Variants in TAB2 observed in about 807,000 individuals in gnomAD.
TAB2 encodes the protein TGF-beta-activated kinase 1 and MAP3K7-binding protein 2.
A neutral mutation model predicts 65.0 loss-of-function variants in TAB2; 3 were observed. The observed-to-expected ratio is 0.05, with a 90% CI of 0.02 to 0.12. TAB2 has a LOEUF of 0.12. TAB2 is among the 10% of genes least tolerant of loss of function. The pLI is 1.00. For missense variants in TAB2, 623 were observed against 840.3 expected, an observed-to-expected ratio of 0.74 and a Z score of 3.20; for synonymous variants, 298 against 285.1, an observed-to-expected ratio of 1.05 and a Z score of -0.46.
chr6:149,281,839 G>T (rs1321235599), intron 1 of TAB2, among the ~76,000 whole-genome samples: 12 of 151,906 alleles, frequency 7.9e-5, no homozygotes, highest in African/African-American at 2.9e-4. Flanking sequence ...CCAACAATAT[G>T]TTTCCTACAA....
At chr6:149,388,494 A>G (rs1221214093) in intron 3 of TAB2, among the ~76,000 whole-genome samples, 1 of 152,248 alleles carries the variant, frequency 6.6e-6, no homozygotes, top group Admixed American at 6.5e-5. Context: ...TTATGCTCCC[A>G]TACTTACAAA....
At chr6:149,360,753 G>A (rs946723801) in intron 1 of TAB2, among the ~76,000 whole-genome samples, 1 of 152,118 alleles carries the variant, frequency 6.6e-6, no homozygotes, top group Non-Finnish European at 1.5e-5. Flanking sequence ...TCTGAGTTAA[G>A]CCAAGTCCCC....
At position 149,378,396 on chromosome 6, in the gene TAB2, A is replaced by G. The variant is rs1781480231; in HGVS notation, c.481A>G (p.Ser161Gly). The G allele has an allele frequency of 6.2e-7, 1 of 1,614,252 alleles. No individual in the cohort carries two copies. The highest frequency in any genetic ancestry group is 2.2e-5 in the East Asian group (1 of 44,882). ...SAPHLGFHLG[S>G]KGTSSLSQQT... Reference sequence around the variant, plus strand: ...ACCACATCTTGGATTTCACTTAGGCAGCAAAGGAACATCTAGCCTTTCTCA... The same window carrying G: ...ACCACATCTTGGATTTCACTTAGGCGGCAAAGGAACATCTAGCCTTTCTCA... The change falls in exon 3 of 7, where the codon AGC (serine) becomes GGC (glycine). Residue 161 changes from serine to glycine, a missense_variant. Physicochemically the swap from Ser to Gly is moderately conservative, Grantham distance 56. Around this residue, in one of 3 missense-constraint regions of TAB2, gnomAD observed 550 missense variants for 665.7 expected, o/e 0.83. Coordinates refer to ENST00000637181, the MANE Select transcript of TAB2 (RefSeq NM_001292034.3).
At chr6:149,272,430 G>C (rs572719015) in intron 1 of TAB2, among the ~76,000 whole-genome samples, 13 of 152,346 alleles carry the variant, frequency 8.5e-5, no homozygotes, top group African/African-American at 2.9e-4. Context: ...CTCTAGAAGA[G>C]AATCCACTTC....
intron 1 of TAB2, among the ~76,000 whole-genome samples, chr6:149,318,325 T>G (rs1041916698): frequency 7.0e-6 from 1 of 142,970 alleles, no homozygotes; most frequent in Non-Finnish European, 1.6e-5. Context: ...GAGCCCCGGG[T>G]GGGGGAGGGC....
At chr6:149,253,347 G>A (rs1403724108) in intron 1 of TAB2, among the ~76,000 whole-genome samples, 1 of 152,116 alleles carries the variant, frequency 6.6e-6, no homozygotes, top group South Asian at 2.1e-4. Flanking sequence ...TTGGCCAGGC[G>A]CTGTGGCTCA....
intron 1 of TAB2, among the ~76,000 whole-genome samples, chr6:149,257,189 C>T (rs1778054772): frequency 6.6e-6 from 1 of 152,156 alleles, no homozygotes; most frequent in African/African-American, 2.4e-5. Flanking sequence ...TCTTACAACA[C>T]CCAGTAAGCA....
At position 149,374,396 on chromosome 6, in the gene TAB2, A is replaced by AT. The variant is rs199944345; in HGVS notation, c.103-3613dup. Reference sequence around the variant, plus strand: ...CTCTACCTGGCTAATTAAAAACAAGATTTTTTTTTAGAGACAGGGTCTCAC... The same window carrying AT: ...CTCTACCTGGCTAATTAAAAACAAGATTTTTTTTTTAGAGACAGGGTCTCAC... On this transcript the variant is annotated intron_variant, in intron 2 of 6. Coordinates refer to ENST00000637181, the MANE Select transcript of TAB2 (RefSeq NM_001292034.3). Among the ~76,000 whole-genome samples, 793 of 151,248 alleles carry AT rather than the reference A, an allele frequency of 5.2e-3. 5 individuals are homozygous for AT. Among genetic ancestry groups the AT allele is most frequent in the African/African-American group, 0.018 (743 of 41,230 alleles).
intron 2 of TAB2, among the ~76,000 whole-genome samples, chr6:149,373,543 C>G (rs1224566354): frequency 6.6e-6 from 1 of 152,184 alleles, no homozygotes; most frequent in Non-Finnish European, 1.5e-5. Context: ...TTTCTCCTTG[C>G]TAATGAATGC....
chr6:149,259,244 A>G (rs1403308151), intron 1 of TAB2, among the ~76,000 whole-genome samples: 2 of 152,164 alleles, frequency 1.3e-5, no homozygotes, highest in Non-Finnish European at 2.9e-5. Flanking sequence ...AGAAAAATAT[A>G]TAACTAGAAA....
chr6:149,313,273 C>T (rs1222859271), upstream of TAB2, among the ~76,000 whole-genome samples: 3 of 152,054 alleles, frequency 2.0e-5, no homozygotes, highest in Non-Finnish European at 4.4e-5. Flanking sequence ...AGGAGATCCT[C>T]CCACCTCAGC....
chr6:149,328,395 C>T (rs908665255), intron 1 of TAB2, among the ~76,000 whole-genome samples: 5 of 152,156 alleles, frequency 3.3e-5, no homozygotes, highest in African/African-American at 1.2e-4. Context: ...CAGGTTCAAG[C>T]AATTCTCCTG....
At chr6:149,318,569 G>A (rs1779335290) in intron 1 of TAB2, 1 of 152,286 alleles carries the variant, frequency 6.6e-6, no homozygotes, top group Admixed American at 6.5e-5. Context: ...TCTTTGAAGT[G>A]GGGGGCAAGC....
chr6:149,226,361 T>C (rs1777276297), intron 1 of TAB2, among the ~76,000 whole-genome samples: 1 of 152,138 alleles, frequency 6.6e-6, no homozygotes, highest in Non-Finnish European at 1.5e-5. Flanking sequence ...AACGTGGTCC[T>C]ATTAGTCCTC....
intron 1 of TAB2, among the ~76,000 whole-genome samples, chr6:149,320,583 T>C (rs1350979414): frequency 6.6e-6 from 1 of 152,212 alleles, no homozygotes; most frequent in East Asian, 1.9e-4. Flanking sequence ...ACCTACTGCA[T>C]TTTGAAAAAT....
At chr6:149,301,016 G>C (rs1778960520) in intron 1 of TAB2, among the ~76,000 whole-genome samples, 1 of 152,180 alleles carries the variant, frequency 6.6e-6, no homozygotes, top group Non-Finnish European at 1.5e-5. Flanking sequence ...GGAGAAACCT[G>C]GTAGAATTTG....
At chr6:149,393,443 T>C (rs1379338621) in intron 3 of TAB2, among the ~76,000 whole-genome samples, 1 of 152,230 alleles carries the variant, frequency 6.6e-6, no homozygotes, top group African/African-American at 2.4e-5. Flanking sequence ...TATTCAGAAA[T>C]ATTCTGAAGA....
At chr6:149,288,125 T>C (rs187172598) in intron 1 of TAB2, among the ~76,000 whole-genome samples, 1 of 152,304 alleles carries the variant, frequency 6.6e-6, no homozygotes, top group Admixed American at 6.5e-5. Context: ...ATGTGGACTA[T>C]CTTCTAAATG....
Position 149,248,321 on chromosome 6 carries a change from A to C in TAB2, c.-121+29545A>C, listed in dbSNP as rs1229454941. On this transcript the variant is annotated intron_variant, in intron 1 of 1. Transcript: ENST00000606202. ...GCAGGAGAATTGCTCGAACCTGGGA[A>C]GCAGAGGTTGCAGTGAGCTGAGATT... 2.0e-5 allele frequency among the ~76,000 whole-genome samples: 3 copies of C among 151,988 alleles called. No individual in the cohort carries two copies. In the East Asian group the frequency reaches 5.8e-4, roughly 29 times the overall value.
Sources: gnomAD v4.1 joint callset for allele counts (sites outside exome capture counted in the v4.1 genomes callset) on GRCh38, gnomAD v4.1.1 for gene constraint, gnomAD v4.1.1 regional missense constraint, MANE v1.5 for transcripts, NCBI Gene and HGNC (gene_info 2026-07-23, HGNC 2026-07-21) for gene names.